The following TMUB1 variants were observed in gnomAD, a reference collection of about 807,000 sequenced individuals.
TMUB1 encodes the protein transmembrane and ubiquitin like domain containing 1, also known as transmembrane and ubiquitin-like domain-containing protein 1.
TMUB1 carries 9 observed loss-of-function variants against 16.2 expected under a neutral mutation model. That is an observed-to-expected ratio of 0.55 (90% CI 0.33 to 0.97). The LOEUF (loss-of-function observed/expected upper bound fraction) is 0.97. Among genes scored for constraint, TMUB1 ranks in the 50% least tolerant of loss-of-function variants. The pLI is 0.03. For missense variants in TMUB1, 309 were observed against 313.5 expected (o/e 0.99, Z 0.11); for synonymous variants, 155 against 152.2 (o/e 1.02, Z -0.13).
At position 151,082,353 on chromosome 7, in the gene TMUB1, T is replaced by G. The variant is rs748067250; in HGVS notation, c.211A>C (p.Thr71Pro). The change falls in exon 2 of 3, where the codon ACC becomes CCC. Residue 71 changes from threonine (T) to proline (P), a missense_variant. Coordinates refer to ENST00000297533, the MANE Select transcript of TMUB1 (RefSeq NM_001136044.2). This position sits in a 1 kb window ranked among gnomAD's most constrained non-coding sequence, Gnocchi z 7.0. The part of the protein sequence containing the change: ...SMRGEAPGAE[T>P]PSLRHRGQAA... ...TGACCTCTGTGTCTCAGGCTGGGGG[T>G]CTCTGCCCCTGGGGCCTCCCCTCTC... 5.6e-6 allele frequency: 9 copies of G among 1,594,616 alleles called. No individual in the cohort carries two copies. The Admixed American group carries it at 7.0e-5, about 12-fold the overall frequency.
Position 151,082,261 on chromosome 7 carries a change from C to T in TMUB1, c.303G>A (p.Glu101=). 2 of 1,574,534 alleles carry T rather than the reference C, an allele frequency of 1.3e-6. No homozygotes were observed. The highest frequency in any genetic ancestry group is 2.7e-5 in the African/African-American group (2 of 73,554). The part of the protein sequence containing the change: ...ATPPAPDSPQ[E]PLVLRLKFLN... ...GGAATTTCAGCCGTAGCACGAGGGG[C>T]TCCTGCGGGGAGTCCGGGGCTGGCG... The change falls in exon 2 of 3, where the codon GAG becomes GAA. Residue 101 remains glutamate, a synonymous_variant. Transcript: ENST00000297533. The surrounding 1 kb of genome is among the most constrained non-coding windows in gnomAD (Gnocchi z 7.0).
Position 151,082,940 on chromosome 7 carries a change from G to T in TMUB1, c.-30-347C>A, listed in dbSNP as rs1253817130. 2.0e-5 allele frequency: 4 copies of T among 200,000 alleles called. No homozygotes were observed. The highest frequency in any genetic ancestry group is 4.0e-5 in the Non-Finnish European group (4 of 100,158). The allele number at this position is 200,000 out of a possible 1,614,324, so 12.4% of individuals were successfully genotyped here. Reference sequence around the variant, plus strand: ...CACCCCCAAGCGTATCTATTCTCCTGCCCACTTCACCCCAGTGTGTCTACT... The same window carrying T: ...CACCCCCAAGCGTATCTATTCTCCTTCCCACTTCACCCCAGTGTGTCTACT... On this transcript the variant is annotated intron_variant, in intron 1 of 2. Transcript: ENST00000297533. This position sits in a 1 kb window ranked among gnomAD's most constrained non-coding sequence, Gnocchi z 7.0.
chr7:151,081,800 TGGGA>T lies in TMUB1; in HGVS notation c.486_489del (p.Pro163ThrfsTer60). ...GACACGTGGCAGTGGAGAACGCAGT[TGGGA>T]GGGAGGTGAAGGCTGCCCAGGGTCT... On this transcript the variant is annotated frameshift_variant, in exon 3 of 3. Transcript: ENST00000297533. LOFTEE classifies it high-confidence loss of function. This position sits in a 1 kb window ranked among gnomAD's most constrained non-coding sequence, Gnocchi z 7.6. The T allele has an allele frequency of 6.3e-7, 1 of 1,577,876 alleles. No individual in the cohort carries two copies. The highest frequency in any genetic ancestry group is 8.6e-7 in the Non-Finnish European group (1 of 1,160,846).
rs1798040965 is a variant in TMUB1 at position 151,083,057 on chromosome 7, C to T, written c.-31+377G>A. The T allele has an allele frequency of 6.5e-6, 1 of 152,782 alleles. No homozygotes were observed. Among genetic ancestry groups the T allele is most frequent in the South Asian group, 2.1e-4 (1 of 4,836 alleles). 9.5% of individuals were successfully genotyped at this position (152,782 alleles called of 1,614,324 possible). Reference sequence around the variant, plus strand: ...CCTCTGTGCCCCCACCCCCGCCCCCCGCGTTACGGTTCACCTAAACCCCAC... The same window carrying T: ...CCTCTGTGCCCCCACCCCCGCCCCCTGCGTTACGGTTCACCTAAACCCCAC... On this transcript the variant is annotated intron_variant, in intron 1 of 2. Coordinates refer to ENST00000297533, the MANE Select transcript of TMUB1 (RefSeq NM_001136044.2). This position sits in a 1 kb window ranked among gnomAD's most constrained non-coding sequence, Gnocchi z 5.9.
Position 151,082,674 on chromosome 7 carries a change from C to T in TMUB1, c.-30-81G>A. 1 of 1,152,334 alleles carries T rather than the reference C, an allele frequency of 8.7e-7. No homozygotes were observed. Among genetic ancestry groups the T allele is most frequent in the Non-Finnish European group, 1.1e-6 (1 of 882,664 alleles). The allele number at this position is 1,152,334 out of a possible 1,614,324, so 71.4% of individuals were successfully genotyped here. On this transcript the variant is annotated intron_variant, in intron 1 of 2. Coordinates refer to ENST00000297533, the MANE Select transcript of TMUB1 (RefSeq NM_001136044.2). This position sits in a 1 kb window ranked among gnomAD's most constrained non-coding sequence, Gnocchi z 7.0. ...ACCTCCACAGGGTCCTGCCCTCACCCCACCGCGACGCTCCCACCGTCCTCA... is the reference window on the plus strand; with the variant it reads ...ACCTCCACAGGGTCCTGCCCTCACCTCACCGCGACGCTCCCACCGTCCTCA...
At position 151,081,714 on chromosome 7, in the gene TMUB1, C is replaced by T; in HGVS notation, c.576G>A (p.Gly192=). The T allele has an allele frequency of 1.3e-6, 2 of 1,581,618 alleles. No homozygotes were observed. The highest frequency in any genetic ancestry group is 1.1e-5 in the South Asian group (1 of 87,226). Residue 192 remains glycine, a synonymous_variant, in exon 3 of 3, where the codon GGG becomes GGA. Transcript: ENST00000297533. This position sits in a 1 kb window ranked among gnomAD's most constrained non-coding sequence, Gnocchi z 7.6. ...CPPGSEPGPS[G]LEIGSLLLPL... ...GCAGCAGCAGGCTGCCGATTTCCAG[C>T]CCGGAGGGGCCGGGCTCGGACCCCG...
rs368011829 is a variant in TMUB1 at position 151,081,742 on chromosome 7, G to A, written c.548C>T (p.Pro183Leu). 1.9e-6 allele frequency: 3 copies of A among 1,590,208 alleles called. No individual in the cohort carries two copies. The highest frequency in any genetic ancestry group is 2.3e-5 in the South Asian group (2 of 87,628). Reference sequence around the variant, plus strand: ...GGAGGGGCCGGGCTCGGACCCCGGCGGGCAGGGGGGATTTGGGGGACCGAC... The same window carrying A: ...GGAGGGGCCGGGCTCGGACCCCGGCAGGCAGGGGGGATTTGGGGGACCGAC... Reference protein sequence around the residue: ...TRVGPPNPPCPPGSEPGPSGL... With the variant: ...TRVGPPNPPCLPGSEPGPSGL... Residue 183 changes from proline (P) to leucine (L), a missense_variant, in exon 3 of 3, where the codon CCG (proline) becomes CTG (leucine). Pro to Leu is a moderately conservative substitution (Grantham distance 98, BLOSUM62 -3). Transcript: ENST00000297533. The surrounding 1 kb of genome is among the most constrained non-coding windows in gnomAD (Gnocchi z 7.6).
Position 151,081,957 on chromosome 7 carries a change from C to T in TMUB1, c.390-57G>A. On this transcript the variant is annotated intron_variant, in intron 2 of 2. Transcript: ENST00000297533. This position sits in a 1 kb window ranked among gnomAD's most constrained non-coding sequence, Gnocchi z 7.6. ...GGCCTCAGGCAATCCTAGTCCCTGG[C>T]CCCGGAACAGCACTCCCACCCTCCC... 2 of 1,445,050 alleles carry T rather than the reference C, an allele frequency of 1.4e-6. No individual in the cohort carries two copies. Among genetic ancestry groups the T allele is most frequent in the South Asian group, 2.9e-5 (2 of 68,718 alleles). The allele number at this position is 1,445,050 out of a possible 1,614,324, so 89.5% of individuals were successfully genotyped here. A position where few individuals can be genotyped will look rare whatever the true frequency, so the allele number is the denominator to read the frequency against.
At position 151,082,623 on chromosome 7, in the gene TMUB1, C is replaced by T. The variant is rs186527326; in HGVS notation, c.-30-30G>A. On this transcript the variant is annotated intron_variant, in intron 1 of 2. Transcript: ENST00000297533. The surrounding 1 kb of genome is among the most constrained non-coding windows in gnomAD (Gnocchi z 7.0). ...AGAGGCACAAAGAGCCCGTGAGGCCCGGGCCCCCTGGCCAGGAGCCCTGGA... is the reference window on the plus strand; with the variant it reads ...AGAGGCACAAAGAGCCCGTGAGGCCTGGGCCCCCTGGCCAGGAGCCCTGGA... 1.5e-5 allele frequency: 21 copies of T among 1,443,012 alleles called. No homozygotes were observed. The highest frequency in any genetic ancestry group is 2.3e-4 in the Middle Eastern group (1 of 4,344). The allele number at this position is 1,443,012 out of a possible 1,614,324, so 89.4% of individuals were successfully genotyped here. A position where few individuals can be genotyped will look rare whatever the true frequency, so the allele number is the denominator to read the frequency against.
chr7:151,082,122 C>G lies in TMUB1; in HGVS notation c.389+53G>C. On this transcript the variant is annotated intron_variant, in intron 2 of 2. Coordinates refer to ENST00000297533, the MANE Select transcript of TMUB1 (RefSeq NM_001136044.2). The surrounding 1 kb of genome is among the most constrained non-coding windows in gnomAD (Gnocchi z 7.0). ...AGGTGTCTCTGGGGGCCTTCTGCGA[C>G]CACTCTCCCAACCCCTGTCTTTAGC... is the stretch of plus-strand genomic sequence containing the variant. 1 of 1,488,252 alleles carries G rather than the reference C, an allele frequency of 6.7e-7. No individual in the cohort carries two copies. Among genetic ancestry groups the G allele is most frequent in the Non-Finnish European group, 8.9e-7 (1 of 1,119,446 alleles). 92.2% of individuals were successfully genotyped at this position (1,488,252 alleles called of 1,614,324 possible).
Position 151,081,676 on chromosome 7 carries a change from A to G in TMUB1, c.614T>C (p.Leu205Pro). The change falls in exon 3 of 3, where the codon CTG becomes CCG. Residue 205 changes from leucine to proline, a missense_variant. Coordinates refer to ENST00000297533, the MANE Select transcript of TMUB1 (RefSeq NM_001136044.2). This position sits in a 1 kb window ranked among gnomAD's most constrained non-coding sequence, Gnocchi z 7.6. ...GCAGTACCAGAGCAGCAGCAACAGC[A>G]GGAGCAGCAGGGGCAGCAGCAGGCT... ...IGSLLLPLLL[L>P]LLLLLWYCQI... 1 of 1,589,864 alleles carries G rather than the reference A, an allele frequency of 6.3e-7. No individual in the cohort carries two copies. Among genetic ancestry groups the G allele is most frequent in the South Asian group, 1.1e-5 (1 of 88,190 alleles).
rs761178190 is a variant in TMUB1 at position 151,082,213 on chromosome 7, G to A, written c.351C>T (p.Ala117=). The change falls in exon 2 of 3, where the codon GCC becomes GCT. Residue 117 remains alanine, a synonymous_variant. Coordinates refer to ENST00000297533, the MANE Select transcript of TMUB1 (RefSeq NM_001136044.2). This position sits in a 1 kb window ranked among gnomAD's most constrained non-coding sequence, Gnocchi z 7.0. ...LKFLNDSEQV[A]RAWPHDTIGS... is the part of the protein sequence containing the mutation. ...CAATGGTGTCGTGGGGCCAGGCCCTGGCCACCTGCTCTGAATCATTGAGGA... is the reference window on the plus strand; with the variant it reads ...CAATGGTGTCGTGGGGCCAGGCCCTAGCCACCTGCTCTGAATCATTGAGGA... 1.5e-5 allele frequency: 23 copies of A among 1,527,596 alleles called. No individual in the cohort carries two copies. Among genetic ancestry groups the A allele is most frequent in the Non-Finnish European group, 2.0e-5 (23 of 1,136,356 alleles). 94.6% of individuals were successfully genotyped at this position (1,527,596 alleles called of 1,614,324 possible). A position where few individuals can be genotyped will look rare whatever the true frequency, so the allele number is the denominator to read the frequency against.
chr7:151,082,694 T>A lies in TMUB1; in HGVS notation c.-30-101A>T, dbSNP rs1798030735. 1.0e-6 allele frequency: 1 copy of A among 974,782 alleles called. No individual in the cohort carries two copies. The highest frequency in any genetic ancestry group is 3.8e-5 in the Admixed American group (1 of 26,374). The allele number at this position is 974,782 out of a possible 1,614,324, so 60.4% of individuals were successfully genotyped here. A position where few individuals can be genotyped will look rare whatever the true frequency, so the allele number is the denominator to read the frequency against. On this transcript the variant is annotated intron_variant, in intron 1 of 2. Transcript: ENST00000297533. This position sits in a 1 kb window ranked among gnomAD's most constrained non-coding sequence, Gnocchi z 7.0. ...TCACCCCACCGCGACGCTCCCACCG[T>A]CCTCAGCCTCCGTCCCCTCACCCAC...
At position 151,081,674 on chromosome 7, in the gene TMUB1, G is replaced by C. The variant is rs1468140666; in HGVS notation, c.616C>G (p.Leu206Val). 2 of 1,589,384 alleles carry C rather than the reference G, an allele frequency of 1.3e-6. No homozygotes were observed. The highest frequency in any genetic ancestry group is 1.7e-6 in the Non-Finnish European group (2 of 1,168,386). The change falls in exon 3 of 3, where the codon CTG becomes GTG. Residue 206 changes from leucine to valine, a missense_variant. By Grantham distance (32) the Leu-to-Val change is conservative. Coordinates refer to ENST00000297533, the MANE Select transcript of TMUB1 (RefSeq NM_001136044.2). The surrounding 1 kb of genome is among the most constrained non-coding windows in gnomAD (Gnocchi z 7.6). ...GSLLLPLLLL[L>V]LLLLWYCQIQ... is the part of the protein sequence containing the mutation. ...TGGCAGTACCAGAGCAGCAGCAACA[G>C]CAGGAGCAGCAGGGGCAGCAGCAGG...
In TMUB1 at chr7:151,082,571, GC is replaced by G. The variant is rs775605933; in HGVS notation, c.-9del. On this transcript the variant is annotated 5_prime_UTR_variant, in exon 2 of 3. Coordinates refer to ENST00000297533, the MANE Select transcript of TMUB1 (RefSeq NM_001136044.2). This position sits in a 1 kb window ranked among gnomAD's most constrained non-coding sequence, Gnocchi z 7.0. ...CCCTTCAATCAGGGTCATGGCGCCT[GC>G]CTTGCCCGCCGCGCTACCGAGCTGG... 2.0e-6 allele frequency: 3 copies of G among 1,486,294 alleles called. No individual in the cohort carries two copies. The highest frequency in any genetic ancestry group is 2.7e-6 in the Non-Finnish European group (3 of 1,117,642). The allele number at this position is 1,486,294 out of a possible 1,614,324, so 92.1% of individuals were successfully genotyped here.
Position 151,081,468 on chromosome 7 carries a change from T to A in TMUB1, c.*81A>T. 1.4e-6 allele frequency: 2 copies of A among 1,409,680 alleles called. No homozygotes were observed. The highest frequency in any genetic ancestry group is 9.2e-7 in the Non-Finnish European group (1 of 1,083,340). The allele number at this position is 1,409,680 out of a possible 1,614,324, so 87.3% of individuals were successfully genotyped here. On this transcript the variant is annotated 3_prime_UTR_variant, in exon 3 of 3. Coordinates refer to ENST00000297533, the MANE Select transcript of TMUB1 (RefSeq NM_001136044.2). This position sits in a 1 kb window ranked among gnomAD's most constrained non-coding sequence, Gnocchi z 7.6. ...AAGAGGCAGGCCGGAGAGGCGGGCC[T>A]GGGCAGGCAGCAGCTCCCGCCGCGG...
At position 151,082,103 on chromosome 7, in the gene TMUB1, C is replaced by T. The variant is rs1798008132; in HGVS notation, c.389+72G>A. 1 of 1,483,196 alleles carries T rather than the reference C, an allele frequency of 6.7e-7. No individual in the cohort carries two copies. The highest frequency in any genetic ancestry group is 9.0e-7 in the Non-Finnish European group (1 of 1,116,228). The allele number at this position is 1,483,196 out of a possible 1,614,324, so 91.9% of individuals were successfully genotyped here. A position where few individuals can be genotyped will look rare whatever the true frequency, so the allele number is the denominator to read the frequency against. ...TAAAGGAGGGCTGGGTCTTAGGTGT[C>T]TCTGGGGGCCTTCTGCGACCACTCT... On this transcript the variant is annotated intron_variant, in intron 2 of 2. Coordinates refer to ENST00000297533, the MANE Select transcript of TMUB1 (RefSeq NM_001136044.2). This position sits in a 1 kb window ranked among gnomAD's most constrained non-coding sequence, Gnocchi z 7.0.
Position 151,082,166 on chromosome 7 carries a change from C to T in TMUB1, c.389+9G>A, listed in dbSNP as rs1472118123. On this transcript the variant is annotated intron_variant, in intron 2 of 2. Coordinates refer to ENST00000297533, the MANE Select transcript of TMUB1 (RefSeq NM_001136044.2). This position sits in a 1 kb window ranked among gnomAD's most constrained non-coding sequence, Gnocchi z 7.0. Reference sequence around the variant, plus strand: ...CTTTAGCATTGCTCCTGCCTCTTGACCTACTTACCTTTTCAAGGAGCCAAT... The same window carrying T: ...CTTTAGCATTGCTCCTGCCTCTTGATCTACTTACCTTTTCAAGGAGCCAAT... 4.0e-6 allele frequency: 6 copies of T among 1,504,548 alleles called. No individual in the cohort carries two copies. The highest frequency in any genetic ancestry group is 2.8e-5 in the African/African-American group (2 of 71,202). 93.2% of individuals were successfully genotyped at this position (1,504,548 alleles called of 1,614,324 possible). A position where few individuals can be genotyped will look rare whatever the true frequency, so the allele number is the denominator to read the frequency against.
chr7:151,081,442 GA>G lies in TMUB1; in HGVS notation c.*106del. On this transcript the variant is annotated 3_prime_UTR_variant, in exon 3 of 3. Coordinates refer to ENST00000297533, the MANE Select transcript of TMUB1 (RefSeq NM_001136044.2). This position sits in a 1 kb window ranked among gnomAD's most constrained non-coding sequence, Gnocchi z 7.6. Reference sequence around the variant, plus strand: ...GCAGGGCTGGGCTCCAGGGCGGCGGGAAGAGGCAGGCCGGAGAGGCGGGCCT... The same window carrying G: ...GCAGGGCTGGGCTCCAGGGCGGCGGGAGAGGCAGGCCGGAGAGGCGGGCCT... 1 of 1,368,998 alleles carries G rather than the reference GA, an allele frequency of 7.3e-7. No individual in the cohort carries two copies. The allele number at this position is 1,368,998 out of a possible 1,614,324, so 84.8% of individuals were successfully genotyped here.
Sources: allele counts gnomAD v4.1 joint callset, GRCh38; gene constraint gnomAD v4.1.1; non-coding constraint Gnocchi (gnomAD v3.1); transcripts MANE v1.5; gene names NCBI Gene and HGNC (gene_info 2026-07-23, HGNC 2026-07-21).